Variants in CERKL observed in about 807,000 individuals in gnomAD.
The protein encoded by CERKL is ceramide kinase-like protein.
A neutral mutation model predicts 63.4 loss-of-function variants in CERKL; 61 were observed. That is an observed-to-expected ratio of 0.96 (90% CI 0.78 to 1.19). The LOEUF is 1.19. CERKL is among the 50% of genes most tolerant of loss of function. The pLI, the probability that CERKL is intolerant of heterozygous loss-of-function variation, is 0.00. For synonymous variants in CERKL, 250 were observed against 230.5 expected (o/e 1.08, Z -0.77); for missense variants, 675 against 655.5 (o/e 1.03, Z -0.33).
intron 4 of CERKL, among the ~76,000 whole-genome samples, chr2:181,561,409 CAA>C (rs3060971): frequency 1.4e-4 from 17 of 122,950 alleles, no homozygotes; most frequent in African/African-American, 1.4e-4. Context: ...GAATTTATCT[CAA>C]AAAAAAAAAA....
intron 1 of CERKL, among the ~76,000 whole-genome samples, chr2:181,646,335 C>A (rs1282092914): frequency 1.3e-5 from 2 of 152,166 alleles, no homozygotes; most frequent in Non-Finnish European, 2.9e-5. Context: ...TTATCTAACC[C>A]ACATAAGCTA....
intron 1 of CERKL, among the ~76,000 whole-genome samples, chr2:181,614,752 G>C (rs1291289605): frequency 7.3e-5 from 11 of 151,702 alleles, no homozygotes; most frequent in Admixed American, 7.2e-4. Context: ...TAGTAAAAGA[G>C]GAGTTAAAAA....
intron 5 of CERKL, among the ~76,000 whole-genome samples, chr2:181,553,342 G>A (rs1688068963): frequency 6.6e-6 from 1 of 152,132 alleles, no homozygotes. Context: ...AAAGATTTTG[G>A]AGGAGGCCAC....
chr2:181,656,634 G>C (rs574766862), intron 1 of CERKL, 135 bp downstream of exon 1: 184 of 763,020 alleles, frequency 2.4e-4, no homozygotes, highest in Admixed American at 6.9e-4. Flanking sequence ...TAACCTGTCC[G>C]GGCAGTGAGG....
chr2:181,599,789 A>T (rs1453411548), intron 2 of CERKL, among the ~76,000 whole-genome samples: 1 of 152,182 alleles, frequency 6.6e-6, no homozygotes, highest in East Asian at 1.9e-4. Flanking sequence ...ATTTGAGGCA[A>T]TAATTCAGGA....
chr2:181,608,579 TG>T (rs1685822185), intron 1 of CERKL, among the ~76,000 whole-genome samples: 1 of 152,190 alleles, frequency 6.6e-6, no homozygotes, highest in Non-Finnish European at 1.5e-5. Context: ...ACTATTCCAA[TG>T]TAAAATATCT....
chr2:181,641,484 C>T (rs901978144), intron 1 of CERKL, among the ~76,000 whole-genome samples: 1 of 151,844 alleles, frequency 6.6e-6, no homozygotes, highest in South Asian at 2.1e-4. Context: ...CTACCGTGGC[C>T]AGCCCACGAA....
intron 1 of CERKL, among the ~76,000 whole-genome samples, chr2:181,615,088 G>A (rs1398663747): frequency 6.6e-6 from 1 of 152,134 alleles, no homozygotes; most frequent in East Asian, 1.9e-4. Context: ...GAGATACTGG[G>A]GACCATCTGT....
intron 2 of CERKL, among the ~76,000 whole-genome samples, chr2:181,593,977 G>A (rs1685090864): frequency 6.6e-6 from 1 of 152,052 alleles, no homozygotes; most frequent in Admixed American, 6.6e-5. Flanking sequence ...ATCTCTCAGA[G>A]TGCTGATTCC....
intron 1 of CERKL, among the ~76,000 whole-genome samples, chr2:181,616,176 G>C (rs552631875): frequency 6.8e-6 from 1 of 146,402 alleles, no homozygotes; most frequent in South Asian, 2.2e-4. Flanking sequence ...TGAAGTCTAA[G>C]ATGAATCAAT....
At position 181,537,445 on chromosome 2, in the gene CERKL, AATTTTAAAACCCTACCACT is replaced by A. The variant is rs1687199287; in HGVS notation, c.*720_*738del. 8.9e-6 allele frequency: 4 copies of A among 448,112 alleles called. No homozygotes were observed. Among genetic ancestry groups the A allele is most frequent in the Non-Finnish European group, 1.3e-5 (3 of 222,646 alleles). The allele number at this position is 448,112 out of a possible 1,614,324, so 27.8% of individuals were successfully genotyped here. ...AACTTACTTTGTTACTTGTATCATG[AATTTTAAAACCCTACCACT>A]TTAAGAAGACAGGGATGGGTTATTC... On this transcript the variant is annotated 3_prime_UTR_variant, in exon 13 of 13. Coordinates refer to ENST00000410087, the MANE Select transcript of CERKL (RefSeq NM_201548.5).
rs1229586537 is a variant in CERKL, at chr2:181,537,654, C to T, written c.*530G>A. The T allele has an allele frequency of 2.3e-6, 1 of 433,546 alleles. No individual in the cohort carries two copies. Among genetic ancestry groups the T allele is most frequent in the East Asian group, 7.0e-5 (1 of 14,256 alleles). 26.9% of individuals were successfully genotyped at this position (433,546 alleles called of 1,614,324 possible). On this transcript the variant is annotated 3_prime_UTR_variant, in exon 13 of 13. Coordinates refer to ENST00000410087, the MANE Select transcript of CERKL (RefSeq NM_201548.5). ...CTCAAATCCTGAAAAATGAAAGAATCCAAATTATTTCAGAATTATCTAGGT... is the reference window on the plus strand; with the variant it reads ...CTCAAATCCTGAAAAATGAAAGAATTCAAATTATTTCAGAATTATCTAGGT...
At chr2:181,609,131 G>A (rs1019465331) in intron 1 of CERKL, among the ~76,000 whole-genome samples, 1 of 151,892 alleles carries the variant, frequency 6.6e-6, no homozygotes, top group Non-Finnish European at 1.5e-5. Context: ...TATACTTTAA[G>A]TTTCAGGGTA....
At chr2:181,593,460 C>A (rs1212586999) in intron 2 of CERKL, among the ~76,000 whole-genome samples, 1 of 148,940 alleles carries the variant, frequency 6.7e-6, no homozygotes, top group Non-Finnish European at 1.5e-5. Context: ...GTATGTACTG[C>A]AAAATGAAAA....
chr2:181,586,557 T>A (rs1374580828), intron 2 of CERKL, among the ~76,000 whole-genome samples: 1 of 152,164 alleles, frequency 6.6e-6, no homozygotes, highest in Non-Finnish European at 1.5e-5. Context: ...TAATTCAACA[T>A]TAATATGCAA....
intron 2 of CERKL, among the ~76,000 whole-genome samples, chr2:181,594,244 A>C (rs1259722002): frequency 6.6e-6 from 1 of 152,204 alleles, no homozygotes; most frequent in East Asian, 1.9e-4. Context: ...TGCTAAGAAG[A>C]GTTACAGTCT....
intron 5 of CERKL, among the ~76,000 whole-genome samples, chr2:181,557,232 C>T (rs1688251273): frequency 6.6e-6 from 1 of 152,118 alleles, no homozygotes; most frequent in African/African-American, 2.4e-5. Flanking sequence ...TGTGCAGAAG[C>T]TCTTGAGTTT....
Position 181,569,047 on chromosome 2 carries a change from C to A in CERKL, c.614-2926G>T, listed in dbSNP as rs74682416. Among the ~76,000 whole-genome samples, 580 of 152,208 alleles carry A rather than the reference C, an allele frequency of 3.8e-3. 7 individuals carry two copies. The highest frequency in any genetic ancestry group is 0.013 in the African/African-American group (556 of 41,548). ...AGCCTTTTATCTTGTCTCCCTCAAA[C>A]CTCTCCCCCACTCTAGCCAGAATAA... On this transcript the variant is annotated intron_variant, in intron 3 of 12. Coordinates refer to ENST00000410087, the MANE Select transcript of CERKL (RefSeq NM_201548.5).
chr2:181,603,616 T>G, intron 2 of CERKL: 1 of 563,492 alleles, frequency 1.8e-6, no homozygotes, highest in East Asian at 3.5e-5. Flanking sequence ...AATCAATTAA[T>G]ATAAGATACC....
Sources: gnomAD v4.1 joint callset for allele counts (sites outside exome capture counted in the v4.1 genomes callset) on GRCh38, gnomAD v4.1.1 for gene constraint, MANE v1.5 for transcripts, NCBI Gene and HGNC (gene_info 2026-07-23, HGNC 2026-07-21) for gene names.